The following CNTLN variants were observed in gnomAD, a reference collection of about 807,000 sequenced individuals.
CNTLN encodes the protein centlein.
A neutral mutation model predicts 180.0 loss-of-function variants in CNTLN; 212 were observed. The ratio of observed to expected loss-of-function variants is 1.18; its 90% CI spans 1.05 to 1.32. CNTLN has a LOEUF of 1.32. Ranked by LOEUF, CNTLN falls within the 40% of genes most tolerant of loss-of-function variation. CNTLN has a pLI of 0.00. For missense variants in CNTLN, 2,095 were observed against 1,610.9 expected (o/e 1.30, Z -5.14); for synonymous variants, 722 against 563.1 (o/e 1.28, Z -3.99).
In CNTLN at chr9:17,300,854, C is replaced by A. The variant is rs548201593; in HGVS notation, c.1146+2502C>A. ...TTCCTTGAACATAACAGGTATTTAA[C>A]CTTTCAAGGTAATACTTTCTTCCAG... is the stretch of plus-strand genomic sequence containing the variant. On this transcript the variant is annotated intron_variant, in intron 7 of 25. Transcript: ENST00000380647. The A allele has an allele frequency of 1.1e-5, 4 of 373,224 alleles. No homozygotes were observed. The East Asian group carries it at 4.9e-4, about 46-fold the overall frequency. 23.1% of individuals were successfully genotyped at this position (373,224 alleles called of 1,614,324 possible).
chr9:17,339,879 C>T (rs1821340553), intron 10 of CNTLN, among the ~76,000 whole-genome samples: 2 of 152,136 alleles, frequency 1.3e-5, no homozygotes, highest in African/African-American at 4.8e-5. Context: ...CTGTGCCACA[C>T]ACGGTGGCTT....
intron 8 of CNTLN, among the ~76,000 whole-genome samples, chr9:17,317,790 T>C (rs10810753): frequency 0.82 from 124,938 of 152,148 alleles, 51,626 homozygotes; most frequent in Non-Finnish European, 0.87. Context: ...GCTTGCCTAG[T>C]AAGGAGGCGA....
rs146512423 is a variant in CNTLN at position 17,418,993 on chromosome 9, C to G, written c.3114+2804C>G. Among the ~76,000 whole-genome samples the G allele has an allele frequency of 4.6e-3, 699 of 152,044 alleles. 5 individuals carry two copies. The highest frequency in any genetic ancestry group is 0.016 in the African/African-American group (657 of 41,526). On this transcript the variant is annotated intron_variant, in intron 18 of 25. Transcript: ENST00000380647. ...CCATTGTAGAATTTCCTCAAAAAAG[C>G]TTAGAAGAAGAAATTTGAACTGTAT... is the stretch of plus-strand genomic sequence containing the variant.
At chr9:17,387,944 A>C (rs1825808360) in intron 13 of CNTLN, among the ~76,000 whole-genome samples, 1 of 66,586 alleles carries the variant, frequency 1.5e-5, no homozygotes, top group African/African-American at 4.2e-5. Context: ...AAAATCTTAT[A>C]CTGAAAAAAA....
intron 25 of CNTLN, 93 bp from the exon 26 acceptor site, chr9:17,502,458 C>T (rs1237277950): frequency 1.7e-6 from 1 of 596,126 alleles, no homozygotes; most frequent in African/African-American, 2.0e-5. Context: ...AAGTTGCAGA[C>T]ATCTAACTTC....
intron 5 of CNTLN, among the ~76,000 whole-genome samples, chr9:17,261,888 A>C (rs1367681329): frequency 1.3e-5 from 2 of 151,622 alleles, no homozygotes; most frequent in African/African-American, 4.9e-5. Context: ...ACAAGTAAAA[A>C]ACAACCCCAT....
intron 24 of CNTLN, among the ~76,000 whole-genome samples, chr9:17,485,065 A>C (rs988114624): frequency 6.6e-6 from 1 of 152,128 alleles, no homozygotes; most frequent in Non-Finnish European, 1.5e-5. Context: ...AAGACACTGC[A>C]TTTTTTACAT....
intron 8 of CNTLN, among the ~76,000 whole-genome samples, chr9:17,329,338 A>T (rs901085689): frequency 7.2e-5 from 11 of 152,116 alleles, no homozygotes; most frequent in Non-Finnish European, 1.6e-4. Flanking sequence ...AGGAGAAAAG[A>T]TAAAAAATAA....
At chr9:17,408,224 C>T (rs1827555667) in intron 15 of CNTLN, among the ~76,000 whole-genome samples, 1 of 149,022 alleles carries the variant, frequency 6.7e-6, no homozygotes, top group African/African-American at 2.5e-5. Flanking sequence ...TGTTATTCTT[C>T]ATGGTGTCTC....
chr9:17,457,249 G>T (rs1296052345), intron 18 of CNTLN, among the ~76,000 whole-genome samples: 3 of 152,080 alleles, frequency 2.0e-5, no homozygotes, highest in Admixed American at 2.0e-4. Flanking sequence ...CCATGTATGT[G>T]TGAAGGTAAA....
At chr9:17,338,288 C>G (rs1821198015) in intron 10 of CNTLN, among the ~76,000 whole-genome samples, 1 of 149,176 alleles carries the variant, frequency 6.7e-6, no homozygotes, top group Non-Finnish European at 1.5e-5. Flanking sequence ...CCTCAGCCTC[C>G]TGAGTAGCTG....
At chr9:17,330,465 C>T (rs1820569350) in intron 8 of CNTLN, among the ~76,000 whole-genome samples, 167 bp from the exon 9 acceptor site, 1 of 151,816 alleles carries the variant, frequency 6.6e-6, no homozygotes, top group African/African-American at 2.4e-5. Flanking sequence ...AAATACTATT[C>T]TATGGAATGA....
chr9:17,511,648 TCACA>T, the CNTLN span, among the ~76,000 whole-genome samples: 1,211 of 146,680 alleles, frequency 8.3e-3, 18 homozygotes, highest in African/African-American at 0.027. Flanking sequence ...TCTCTCTCTC[TCACA>T]CACACACACA....
the CNTLN span, among the ~76,000 whole-genome samples, chr9:17,516,644 A>G: frequency 3.9e-5 from 6 of 152,100 alleles, no homozygotes; most frequent in Admixed American, 3.9e-4. Flanking sequence ...ATAGGGTGGG[A>G]CATCTGTCAC....
At chr9:17,469,688 T>C (rs1831950768) in intron 23 of CNTLN, among the ~76,000 whole-genome samples, 1 of 151,926 alleles carries the variant, frequency 6.6e-6, no homozygotes, top group African/African-American at 2.4e-5. Context: ...TTCACCCATA[T>C]TGTGCTTACT....
At chr9:17,325,506 ATATATACGTG>A (rs1563995683) in intron 8 of CNTLN, among the ~76,000 whole-genome samples, 1 of 150,706 alleles carries the variant, frequency 6.6e-6, no homozygotes, top group African/African-American at 2.4e-5. Flanking sequence ...AGTTTTTCTG[ATATATACGTG>A]TATGTTAGAT....
chr9:17,139,624 C>T (rs10962882), intron 1 of CNTLN, among the ~76,000 whole-genome samples: 3 of 151,564 alleles, frequency 2.0e-5, no homozygotes, highest in African/African-American at 7.3e-5. Flanking sequence ...TGCGCCACTG[C>T]ACTCCAGCCT....
chr9:17,183,253 C>G (rs1821233553), intron 2 of CNTLN, among the ~76,000 whole-genome samples: 7 of 152,052 alleles, frequency 4.6e-5, no homozygotes, highest in Admixed American at 4.6e-4. Context: ...ATCCATAAAT[C>G]CAAACCATCT....
At chr9:17,276,033 T>C (rs1038397859) in intron 6 of CNTLN, among the ~76,000 whole-genome samples, 6 of 152,104 alleles carry the variant, frequency 3.9e-5, no homozygotes, top group Admixed American at 3.9e-4. Flanking sequence ...TGTTGGATAC[T>C]ATATTTACCA....
Sources: gnomAD v4.1 joint callset for allele counts (sites outside exome capture counted in the v4.1 genomes callset) on GRCh38, gnomAD v4.1.1 for gene constraint, MANE v1.5 for transcripts, NCBI Gene and HGNC (gene_info 2026-07-23, HGNC 2026-07-21) for gene names.